The following RCC2 variants were observed in gnomAD, a reference collection of about 807,000 sequenced individuals.
The protein encoded by RCC2 is protein RCC2.
Under a neutral mutation model 64.1 loss-of-function variants are expected in RCC2, and 19 were observed. The observed-to-expected ratio is 0.30, with a 90% CI of 0.21 to 0.44. RCC2 has a LOEUF of 0.44. Ranked by LOEUF, RCC2 falls within the 20% of genes least tolerant of loss-of-function variation. RCC2 has a pLI of 1.00. For missense variants in RCC2, 508 were observed against 710.4 expected (o/e 0.72, Z 3.24); for synonymous variants, 325 against 279.6 (o/e 1.16, Z -1.62).
rs147958841 is a variant in RCC2 at position 17,416,956 on chromosome 1, G to A, written c.860-310C>T. ...AACAATTCCAGGTAAGGTATTATAC[G>A]TTCAGATTGGGTTGCAAAAGAAAAC... On this transcript the variant is annotated intron_variant, in intron 7 of 12. Transcript: ENST00000375436. Among the ~76,000 whole-genome samples the A allele has an allele frequency of 9.8e-5, 15 of 152,294 alleles. No individual in the cohort carries two copies. The East Asian group carries it at 1.2e-3, about 12-fold the overall frequency.
At chr1:17,420,110 G>A (rs1286404078) in intron 7 of RCC2, among the ~76,000 whole-genome samples, 1 of 152,188 alleles carries the variant, frequency 6.6e-6, no homozygotes, top group African/African-American at 2.4e-5. Context: ...GCGCACTTCA[G>A]GGAACCGCAC....
chr1:17,428,280 T>A lies in RCC2; in HGVS notation c.379+826A>T, dbSNP rs565684152. Among the ~76,000 whole-genome samples the A allele has an allele frequency of 1.2e-4, 19 of 152,378 alleles. 1 individual carries two copies. In the South Asian group the frequency reaches 3.9e-3, roughly 32 times the overall value. On this transcript the variant is annotated intron_variant, in intron 3 of 12. Coordinates refer to ENST00000375436, the MANE Select transcript of RCC2 (RefSeq NM_018715.4). ...TGCTTCCCTGGGACAAAAGCCACCA[T>A]GTGGACGTGGCCCCCTCTGGCTTGG...
At chr1:17,413,018 T>C (rs2075443691) in intron 10 of RCC2, 55 bp downstream of exon 10, 2 of 1,318,852 alleles carry the variant, frequency 1.5e-6, no homozygotes, top group South Asian at 2.4e-5. Context: ...TGGGTGTGTC[T>C]GACACCCCCA....
Position 17,412,022 on chromosome 1 carries a change from T to C in RCC2, c.1386+100A>G. Reference sequence around the variant, plus strand: ...AATAAGGGGGGAATCCCAAATGTTTTTCTTCTGTGTGTTTTGGGAGACAGG... The same window carrying C: ...AATAAGGGGGGAATCCCAAATGTTTCTCTTCTGTGTGTTTTGGGAGACAGG... On this transcript the variant is annotated intron_variant, in intron 11 of 12. Coordinates refer to ENST00000375436, the MANE Select transcript of RCC2 (RefSeq NM_018715.4). The C allele has an allele frequency of 3.8e-6, 4 of 1,044,600 alleles. No individual in the cohort carries two copies. The South Asian group carries it at 5.2e-5, about 14-fold the overall frequency. The allele number at this position is 1,044,600 out of a possible 1,614,324, so 64.7% of individuals were successfully genotyped here. A position where few individuals can be genotyped will look rare whatever the true frequency, so the allele number is the denominator to read the frequency against.
At position 17,420,800 on chromosome 1, in the gene RCC2, T is replaced by C; in HGVS notation, c.773A>G (p.Lys258Arg). The change falls in exon 7 of 13, where the codon AAA becomes AGA. Residue 258 changes from lysine (K) to arginine (R), a missense_variant. Around this residue, in one of 4 missense-constraint regions of RCC2, gnomAD observed 132 missense variants for 207.3 expected, o/e 0.64. Transcript: ENST00000375436. ...QIMYNGQPIT[K>R]MACGAEFSMI... ...ACTGAATTCAGCCCCACAGGCCATT[T>C]TGGTAATTGGCTGGCCGTTGTACAT... 6.2e-7 allele frequency: 1 copy of C among 1,609,974 alleles called. No homozygotes were observed. Among genetic ancestry groups the C allele is most frequent in the South Asian group, 1.1e-5 (1 of 90,002 alleles).
chr1:17,414,694 C>T (rs781060464), intron 8 of RCC2, among the ~76,000 whole-genome samples: 16 of 152,078 alleles, frequency 1.1e-4, no homozygotes, highest in African/African-American at 2.9e-4. Flanking sequence ...TGCAATGGCA[C>T]GATCACGGCT....
Position 17,438,305 on chromosome 1 carries a change from C to A in RCC2, c.210G>T (p.Ala70=). The change falls in exon 2 of 13, where the codon GCG becomes GCT. Residue 70 remains alanine, a synonymous_variant. Coordinates refer to ENST00000375436, the MANE Select transcript of RCC2 (RefSeq NM_018715.4). ...DGAPGGGKRA[A]RPATAGKAGG... is the part of the protein sequence containing the mutation. ...CCGCCTTGCCTGCTGTCGCCGGCCG[C>A]GCCGCGCGCTTGCCCCCGCCGGGGG... 8.0e-7 allele frequency: 1 copy of A among 1,246,714 alleles called. No individual in the cohort carries two copies. The allele number at this position is 1,246,714 out of a possible 1,614,324, so 77.2% of individuals were successfully genotyped here.
chr1:17,434,955 T>C (rs1267497046), intron 2 of RCC2, among the ~76,000 whole-genome samples: 1 of 151,992 alleles, frequency 6.6e-6, no homozygotes, highest in African/African-American at 2.4e-5. Context: ...AATACAAAAA[T>C]TACCGAGCAC....
intron 10 of RCC2, among the ~76,000 whole-genome samples, chr1:17,412,590 G>A (rs532218330): frequency 3.6e-4 from 55 of 152,280 alleles, no homozygotes; most frequent in African/African-American, 1.1e-3. Context: ...TTAAAGCCAC[G>A]CCGACAGAGG....
rs1371068124 is a variant in RCC2 at position 17,407,643 on chromosome 1, A to G, written c.*1447T>C. On this transcript the variant is annotated 3_prime_UTR_variant, in exon 13 of 13. Coordinates refer to ENST00000375436, the MANE Select transcript of RCC2 (RefSeq NM_018715.4). ...GACTGGGGTGGAAAATAGGGAAAAA[A>G]GCAACAACAACTACATCATTTTTGG... 1 of 152,612 alleles carries G rather than the reference A, an allele frequency of 6.6e-6. No individual in the cohort carries two copies. The highest frequency in any genetic ancestry group is 1.5e-5 in the Non-Finnish European group (1 of 68,020). 9.5% of individuals were successfully genotyped at this position (152,612 alleles called of 1,614,324 possible). A position where few individuals can be genotyped will look rare whatever the true frequency, so the allele number is the denominator to read the frequency against.
In RCC2 at chr1:17,415,999, G is replaced by A. The variant is rs193048346; in HGVS notation, c.1026+481C>T. On this transcript the variant is annotated intron_variant, in intron 8 of 12. Transcript: ENST00000375436. ...CAGGAGAATTGCTTGAACCTGGGAG[G>A]TGGAAGCTGTGGTGAGCCGAGATCA... Among the ~76,000 whole-genome samples, 389 of 148,428 alleles carry A rather than the reference G, an allele frequency of 2.6e-3. 2 individuals carry two copies. The highest frequency in any genetic ancestry group is 0.014 in the Middle Eastern group (4 of 284).
rs1008122755 is a variant in RCC2, at chr1:17,426,330, C to T, written c.380-646G>A. On this transcript the variant is annotated intron_variant, in intron 3 of 12. Transcript: ENST00000375436. ...ACACAGTATCACCCCACCTCCTGCTCCCTTCTCACCCGTCCAGTGTGACAG... is the reference window on the plus strand; with the variant it reads ...ACACAGTATCACCCCACCTCCTGCTTCCTTCTCACCCGTCCAGTGTGACAG... 1.1e-4 allele frequency among the ~76,000 whole-genome samples: 16 copies of T among 152,264 alleles called. No homozygotes were observed. The South Asian group carries it at 3.3e-3, about 32-fold the overall frequency.
At chr1:17,433,459 T>C (rs1357387334) in intron 2 of RCC2, among the ~76,000 whole-genome samples, 3 of 152,212 alleles carry the variant, frequency 2.0e-5, no homozygotes, top group Non-Finnish European at 4.4e-5. Flanking sequence ...TGTGTGGGTG[T>C]CTGAAGCTCA....
rs58463475 is a variant in RCC2, at chr1:17,414,552, CA to C, written c.1027-836del. Among the ~76,000 whole-genome samples the C allele has an allele frequency of 2.3e-3, 258 of 113,560 alleles. 1 individual carries two copies. The highest frequency in any genetic ancestry group is 6.6e-3 in the African/African-American group (199 of 30,136). 74.5% of individuals were successfully genotyped at this position (113,560 alleles called of 152,430 possible). A position where few individuals can be genotyped will look rare whatever the true frequency, so the allele number is the denominator to read the frequency against. On this transcript the variant is annotated intron_variant, in intron 8 of 12. Coordinates refer to ENST00000375436, the MANE Select transcript of RCC2 (RefSeq NM_018715.4). ...CTCAAAAAAAAAAAACAAAACGAAACAAAAAAAAAAACACAACAAAAAAAAA... is the reference window on the plus strand; with the variant it reads ...CTCAAAAAAAAAAAACAAAACGAAACAAAAAAAAAACACAACAAAAAAAAA...
chr1:17,439,093 CTAGT>C, intron 1 of RCC2, among the ~76,000 whole-genome samples: 1 of 152,110 alleles, frequency 6.6e-6, no homozygotes, highest in Non-Finnish European at 1.5e-5. Context: ...ACCTCGGGCT[CTAGT>C]TAGCCGAATC....
chr1:17,438,527 A>G lies in RCC2; in HGVS notation c.-8-5T>C, dbSNP rs571381979. On this transcript the variant is annotated splice_region_variant and splice_polypyrimidine_tract_variant and intron_variant, in intron 1 of 12. Transcript: ENST00000375436. ...TCTTCCTGGGCATGGTCGCGGCTGG[A>G]GGGAGACACGGGGCAGCGGCGCACA... 7.5e-6 allele frequency: 10 copies of G among 1,328,014 alleles called. No individual in the cohort carries two copies. In the South Asian group the frequency reaches 2.3e-4, roughly 31 times the overall value. The allele number at this position is 1,328,014 out of a possible 1,614,324, so 82.3% of individuals were successfully genotyped here.
chr1:17,420,912 T>C (rs2075548877), intron 6 of RCC2, 84 bp from the exon 7 acceptor site: 1 of 837,732 alleles, frequency 1.2e-6, no homozygotes, highest in Non-Finnish European at 1.9e-6. Flanking sequence ...TGGGAAACAA[T>C]TACTAGGTTA....
intron 4 of RCC2, 129 bp from the exon 5 acceptor site, chr1:17,422,965 A>AACC: frequency 1.6e-6 from 2 of 1,228,388 alleles, no homozygotes; most frequent in Non-Finnish European, 2.3e-6. Flanking sequence ...CCAAATTCCC[A>AACC]ACAGCCAAGA....
chr1:17,433,188 C>T (rs983553473), intron 2 of RCC2, among the ~76,000 whole-genome samples: 25 of 152,192 alleles, frequency 1.6e-4, no homozygotes, highest in Non-Finnish European at 2.8e-4. Context: ...TTTCCTCACA[C>T]ATTAGATGGA....
Sources: allele counts gnomAD v4.1 joint callset (sites outside exome capture counted in the v4.1 genomes callset), GRCh38; gene constraint gnomAD v4.1.1; regional missense constraint gnomAD v4.1.1; transcripts MANE v1.5; gene names NCBI Gene and HGNC (gene_info 2026-07-23, HGNC 2026-07-21).